KCNT2: variants seen among roughly 807,000 people sequenced by gnomAD.
The protein encoded by KCNT2 is potassium sodium-activated channel subfamily T member 2, also known as potassium channel subfamily T member 2.
A neutral mutation model predicts 153.8 loss-of-function variants in KCNT2; 67 were observed. The observed-to-expected ratio is 0.44, with a 90% CI of 0.36 to 0.53. KCNT2 has a LOEUF of 0.53. KCNT2 is among the 20% of genes least tolerant of loss of function. KCNT2 has a pLI of 0.00. For synonymous variants in KCNT2, 500 were observed against 458.8 expected (o/e 1.09, Z -1.15); for missense variants, 975 against 1,354.8 (o/e 0.72, Z 4.40).
intron 12 of KCNT2, among the ~76,000 whole-genome samples, chr1:196,417,857 T>C (rs1672877060): frequency 6.6e-6 from 1 of 152,104 alleles, no homozygotes; most frequent in African/African-American, 2.4e-5. Context: ...AGCTCTGCAC[T>C]GCTAAGTTAC....
At chr1:196,533,149 T>A (rs917088375) in intron 1 of KCNT2, among the ~76,000 whole-genome samples, 1 of 152,124 alleles carries the variant, frequency 6.6e-6, no homozygotes, top group Admixed American at 6.6e-5. Context: ...AATATCATAA[T>A]TCAACATAGG....
intron 1 of KCNT2, among the ~76,000 whole-genome samples, chr1:196,575,494 A>G (rs974985293): frequency 1.3e-5 from 2 of 152,072 alleles, no homozygotes; most frequent in African/African-American, 2.4e-5. Context: ...TGTTCCAATT[A>G]TAAGAGGTTT....
intron 5 of KCNT2, among the ~76,000 whole-genome samples, chr1:196,471,849 A>G (rs1678133977): frequency 6.6e-6 from 1 of 152,192 alleles, no homozygotes; most frequent in African/African-American, 2.4e-5. Flanking sequence ...GAATCTTTCT[A>G]AAATGCCAAA....
chr1:196,381,337 A>C (rs1422126006), intron 13 of KCNT2, among the ~76,000 whole-genome samples: 1 of 151,854 alleles, frequency 6.6e-6, no homozygotes, highest in Non-Finnish European at 1.5e-5. Context: ...ATTTTCCTCC[A>C]ATTTCTTTAG....
chr1:196,553,513 A>G (rs559061209), intron 1 of KCNT2, among the ~76,000 whole-genome samples: 1 of 151,342 alleles, frequency 6.6e-6, no homozygotes, highest in African/African-American at 2.4e-5. Context: ...CTAGAGCTAA[A>G]GGGAGGGACA....
At chr1:196,279,564 A>G (rs1457186086) in intron 25 of KCNT2, among the ~76,000 whole-genome samples, 1 of 151,336 alleles carries the variant, frequency 6.6e-6, no homozygotes, top group African/African-American at 2.4e-5. Context: ...CTGGGACTAC[A>G]GGTGTGCACC....
intron 26 of KCNT2, among the ~76,000 whole-genome samples, chr1:196,242,739 C>T (rs1174326638): frequency 6.6e-6 from 1 of 152,100 alleles, no homozygotes. Context: ...CCTTCACAGA[C>T]CCTTTTAGCA....
At chr1:196,255,732 A>T (rs995370098) in intron 26 of KCNT2, among the ~76,000 whole-genome samples, 1 of 151,896 alleles carries the variant, frequency 6.6e-6, no homozygotes, top group African/African-American at 2.4e-5. Flanking sequence ...AAACTTACTT[A>T]AAACCTTGGT....
At chr1:196,468,920 A>T (rs976556163) in intron 6 of KCNT2, 74 bp downstream of exon 6, 3 of 829,356 alleles carry the variant, frequency 3.6e-6, no homozygotes, top group Admixed American at 2.3e-5. Context: ...ATATTATTTA[A>T]CAGTATCTAG....
At chr1:196,357,550 G>T (rs1572157149) in intron 14 of KCNT2, among the ~76,000 whole-genome samples, 1 of 151,882 alleles carries the variant, frequency 6.6e-6, no homozygotes, top group East Asian at 1.9e-4. Flanking sequence ...AGGAATCATT[G>T]GTTCTAGCTG....
At chr1:196,416,544 T>A (rs1416041614) in intron 12 of KCNT2, among the ~76,000 whole-genome samples, 1 of 152,072 alleles carries the variant, frequency 6.6e-6, no homozygotes, top group African/African-American at 2.4e-5. Flanking sequence ...TCTACCAAAC[T>A]TTTCACGGCT....
intron 13 of KCNT2, among the ~76,000 whole-genome samples, chr1:196,382,891 C>A (rs560374696): frequency 6.6e-6 from 1 of 151,944 alleles, no homozygotes; most frequent in East Asian, 1.9e-4. Flanking sequence ...ATCTGACCCA[C>A]TGAGTATTAT....
chr1:196,401,889 T>G (rs569466227), intron 12 of KCNT2, among the ~76,000 whole-genome samples: 53 of 151,676 alleles, frequency 3.5e-4, no homozygotes, highest in African/African-American at 1.1e-3. Flanking sequence ...CTAGCCACAT[T>G]GTATTCAAAC....
chr1:196,577,791 A>C (rs1230701575), intron 1 of KCNT2, among the ~76,000 whole-genome samples: 1 of 152,182 alleles, frequency 6.6e-6, no homozygotes, highest in African/African-American at 2.4e-5. Context: ...TAAAAGGATC[A>C]AACTGTCTCC....
At chr1:196,511,959 G>A (rs1029186781) in intron 1 of KCNT2, among the ~76,000 whole-genome samples, 1 of 152,094 alleles carries the variant, frequency 6.6e-6, no homozygotes, top group Non-Finnish European at 1.5e-5. Flanking sequence ...TTAGCAACAG[G>A]TCTGAAATCA....
intron 25 of KCNT2, among the ~76,000 whole-genome samples, chr1:196,266,599 A>G (rs1657564679): frequency 6.6e-6 from 1 of 152,198 alleles, no homozygotes; most frequent in Non-Finnish European, 1.5e-5. Flanking sequence ...TCTTCTCAAT[A>G]TAAGTAGTTA....
At chr1:196,262,224 A>G (rs1284425603) in intron 25 of KCNT2, among the ~76,000 whole-genome samples, 1 of 151,918 alleles carries the variant, frequency 6.6e-6, no homozygotes. Context: ...GACTCAATTC[A>G]ACCTCTTCTT....
chr1:196,456,596 G>A lies in KCNT2; in HGVS notation c.638+8697C>T, dbSNP rs186383810. Among the ~76,000 whole-genome samples the A allele has an allele frequency of 1.7e-3, 254 of 151,920 alleles. 1 individual carries two copies. Among genetic ancestry groups the A allele is most frequent in the African/African-American group, 5.9e-3 (243 of 41,454 alleles). On this transcript the variant is annotated intron_variant, in intron 8 of 27. Transcript: ENST00000294725. The stretch of plus-strand genomic sequence containing the variant: ...TTTAAGATCTTATTTATGCCCCATT[G>A]GGTCTTCTGGTTATTTGTTAATAGG...
In KCNT2 at chr1:196,280,866, T is replaced by G; in HGVS notation, c.2904A>C (p.Thr968=). 1 of 1,611,566 alleles carries G rather than the reference T, an allele frequency of 6.2e-7. No homozygotes were observed. Among genetic ancestry groups the G allele is most frequent in the Non-Finnish European group, 8.5e-7 (1 of 1,177,930 alleles). The change falls in exon 25 of 28, where the codon ACA becomes ACC. Residue 968 remains threonine, a synonymous_variant. Transcript: ENST00000294725. ...IYRTESQKLT[T]SESQISISVE... is the part of the protein sequence containing the mutation. ...TATTTTGTTATTTCCAAACCTCAGA[T>G]GTAGTAAGTTTCTGAGACTCAGTCC...
Sources: allele counts gnomAD v4.1 joint callset (sites outside exome capture counted in the v4.1 genomes callset), GRCh38; gene constraint gnomAD v4.1.1; transcripts MANE v1.5; gene names NCBI Gene and HGNC (gene_info 2026-07-23, HGNC 2026-07-21).